SLA: variants seen among roughly 807,000 people sequenced by gnomAD.
The protein encoded by SLA is src-like-adapter.
In SLA, 16 loss-of-function variants were observed where a neutral mutation model predicts 30.3. The ratio of observed to expected loss-of-function variants is 0.53; its 90% CI spans 0.36 to 0.80. SLA has a LOEUF of 0.80. SLA is among the 30% of genes least tolerant of loss of function. The pLI is 0.01. For missense variants in SLA, 310 were observed against 345.2 expected (o/e 0.90, Z 0.81); for synonymous variants, 143 against 137.8 (o/e 1.04, Z -0.26).
chr8:133,101,612 C>T (rs768766115), intron 1 of SLA, among the ~76,000 whole-genome samples: 18 of 152,194 alleles, frequency 1.2e-4, no homozygotes, highest in Non-Finnish European at 2.4e-4. Flanking sequence ...ACAGGGTGTC[C>T]AGCATGTTTT....
intron 5 of SLA, chr8:133,048,835 A>G: frequency 5.4e-6 from 1 of 186,236 alleles, no homozygotes. Flanking sequence ...TTCACAATTA[A>G]GATCATGAAT....
At chr8:133,038,938 T>C (rs540552544) in intron 8 of SLA, among the ~76,000 whole-genome samples, 8 of 152,166 alleles carry the variant, frequency 5.3e-5, no homozygotes, top group Non-Finnish European at 1.0e-4. Flanking sequence ...AGTGCAGTGG[T>C]GCAATCTCTG....
At chr8:133,070,960 C>A (rs971820015) in intron 2 of SLA, among the ~76,000 whole-genome samples, 3 of 152,222 alleles carry the variant, frequency 2.0e-5, no homozygotes, top group Non-Finnish European at 4.4e-5. Context: ...ATCTAATTTT[C>A]ATTTTCTGCA....
At chr8:133,095,909 C>T (rs570562189) in intron 1 of SLA, among the ~76,000 whole-genome samples, 3 of 152,316 alleles carry the variant, frequency 2.0e-5, no homozygotes, top group South Asian at 4.1e-4. Flanking sequence ...ACCACTGTCT[C>T]CTCCTGCCTT....
intron 1 of SLA, among the ~76,000 whole-genome samples, chr8:133,090,526 G>C (rs1250417561): frequency 6.6e-6 from 1 of 152,230 alleles, no homozygotes; most frequent in East Asian, 1.9e-4. Flanking sequence ...TTTCCCCCAA[G>C]TCAGACAGCG....
intron 2 of SLA, 110 bp downstream of exon 2, chr8:133,074,743 T>C: frequency 3.6e-6 from 2 of 551,076 alleles, no homozygotes; most frequent in Non-Finnish European, 4.6e-6. Context: ...GCCCCACCTG[T>C]TCTCAGGGAG....
chr8:133,049,055 T>C (rs1564116507), intron 5 of SLA: 1 of 425,210 alleles, frequency 2.4e-6, no homozygotes, highest in Admixed American at 2.7e-5. Flanking sequence ...CAGATGAGGA[T>C]AATGTAACTC....
intron 2 of SLA, among the ~76,000 whole-genome samples, chr8:133,061,009 C>T (rs780277244): frequency 7.2e-5 from 11 of 152,168 alleles, no homozygotes; most frequent in Non-Finnish European, 1.6e-4. Flanking sequence ...AGTCATTAAC[C>T]TTTTCTGTTT....
intron 1 of SLA, among the ~76,000 whole-genome samples, chr8:133,088,835 C>A (rs1054226278): frequency 2.6e-5 from 4 of 152,172 alleles, no homozygotes; most frequent in Non-Finnish European, 5.9e-5. Context: ...TTTGCCAAAA[C>A]TGAAGTGTTA....
intron 2 of SLA, among the ~76,000 whole-genome samples, chr8:133,073,817 C>G (rs1352544637): frequency 6.6e-6 from 1 of 152,174 alleles, no homozygotes; most frequent in Admixed American, 6.5e-5. Flanking sequence ...CCTCTACCTC[C>G]CACCAGCTCC....
At chr8:133,094,373 A>T (rs1172803760) in intron 1 of SLA, among the ~76,000 whole-genome samples, 2 of 150,990 alleles carry the variant, frequency 1.3e-5, no homozygotes, top group African/African-American at 2.4e-5. Flanking sequence ...CCCAAGTAGC[A>T]GGGACTACAG....
chr8:133,087,116 A>T (rs568639722), intron 1 of SLA, among the ~76,000 whole-genome samples: 27 of 118,460 alleles, frequency 2.3e-4, no homozygotes, highest in African/African-American at 6.4e-4. Flanking sequence ...ACACACACAC[A>T]CACACACGGA....
At chr8:133,052,740 A>T (rs7819747) in intron 3 of SLA, among the ~76,000 whole-genome samples, 2 of 152,172 alleles carry the variant, frequency 1.3e-5, no homozygotes, top group Non-Finnish European at 2.9e-5. Context: ...AAAATACACA[A>T]TTGCAAATAC....
intron 4 of SLA, chr8:133,050,279 A>T: frequency 2.2e-6 from 1 of 450,134 alleles, no homozygotes. Flanking sequence ...GAGGCTTTTT[A>T]AAAATAAATG....
At chr8:133,055,361 G>GCACACA (rs746605171) in intron 3 of SLA, among the ~76,000 whole-genome samples, 1 of 131,658 alleles carries the variant, frequency 7.6e-6, no homozygotes, top group Non-Finnish European at 1.7e-5. Flanking sequence ...ACACACGCAC[G>GCACACA]CGCGCACACA....
At chr8:133,094,962 C>T in intron 1 of SLA, 2 of 1,594,418 alleles carry the variant, frequency 1.3e-6, no homozygotes, top group South Asian at 1.1e-5. Context: ...ATGCAGAACC[C>T]TGATGTGGCA....
At chr8:133,070,447 A>G (rs1333820327) in intron 2 of SLA, among the ~76,000 whole-genome samples, 1 of 152,242 alleles carries the variant, frequency 6.6e-6, no homozygotes, top group African/African-American at 2.4e-5. Context: ...GATGTTTAAA[A>G]TACACGGACT....
intron 1 of SLA, chr8:133,095,325 C>A: frequency 1.4e-6 from 2 of 1,401,418 alleles, no homozygotes; most frequent in Admixed American, 1.7e-5. Context: ...AGGCTGATGA[C>A]CAACTGGAGC....
rs377445208 is a variant in SLA at position 133,038,689 on chromosome 8, C to T, written c.666G>A (p.Glu222=). The part of the protein sequence containing the change: ...EGTENPLGVD[E]SLFSYGLRES... ...CTCGAAGGCCATAGCTGAAAAGGGA[C>T]TCGTCTACCCCAAGCGGGTTCTCTG... The change falls in exon 9 of 9, where the codon GAG becomes GAA. Residue 222 remains glutamate (E), a synonymous_variant. Transcript: ENST00000338087. 9 of 1,613,954 alleles carry T rather than the reference C, an allele frequency of 5.6e-6. No individual in the cohort carries two copies. In the African/African-American group the frequency reaches 1.2e-4, roughly 22 times the overall value.
Sources: allele counts gnomAD v4.1 joint callset (sites outside exome capture counted in the v4.1 genomes callset), GRCh38; gene constraint gnomAD v4.1.1; transcripts MANE v1.5; gene names NCBI Gene and HGNC (gene_info 2026-07-23, HGNC 2026-07-21).